Variants in MAD1L1 observed in about 807,000 individuals in gnomAD.
MAD1L1 encodes mitotic spindle assembly checkpoint protein MAD1.
MAD1L1 carries 95 observed loss-of-function variants against 96.9 expected under a neutral mutation model. That is an observed-to-expected ratio of 0.98 (90% CI 0.83 to 1.16). The LOEUF is 1.16. Ranked by LOEUF, MAD1L1 falls within the 50% of genes most tolerant of loss-of-function variation. The pLI is 0.00. For synonymous variants in MAD1L1, 473 were observed against 396.6 expected, an observed-to-expected ratio of 1.19 and a Z score of -2.29; for missense variants, 1,007 against 954.4, an observed-to-expected ratio of 1.06 and a Z score of -0.73.
intron 11 of MAD1L1, among the ~76,000 whole-genome samples, chr7:2,139,576 C>T (rs1322247242): frequency 6.6e-6 from 1 of 152,186 alleles, no homozygotes; most frequent in African/African-American, 2.4e-5. Context: ...GGGGCTGGGG[C>T]CAAAGGCAGA....
At position 1,870,382 on chromosome 7, in the gene MAD1L1, G is replaced by A. The variant is rs1457731844; in HGVS notation, c.1998+27818C>T. Among the ~76,000 whole-genome samples the A allele has an allele frequency of 2.3e-3, 322 of 140,784 alleles. 25 individuals are homozygous for A. Among genetic ancestry groups the A allele is most frequent in the Middle Eastern group, 0.019 (5 of 262 alleles). 92.4% of individuals were successfully genotyped at this position (140,784 alleles called of 152,430 possible). On this transcript the variant is annotated intron_variant, in intron 18 of 18. Coordinates refer to ENST00000265854, the MANE Select transcript of MAD1L1 (RefSeq NM_001013836.2). ...GCTGAACCCAACATACGCTTGCCAT[G>A]CTGAACCCACCATAACACCTGCCAC...
intron 11 of MAD1L1, among the ~76,000 whole-genome samples, chr7:2,129,197 GC>G (rs1450509461): frequency 1.6e-4 from 25 of 152,342 alleles, no homozygotes; most frequent in Non-Finnish European, 2.6e-4. Flanking sequence ...GGCCACCAGG[GC>G]TAACCCACCG....
rs1177487386 is a variant in MAD1L1, at chr7:2,225,563, C to T, written c.151-13G>A. ...CTCTTTCCTCCAGCTGAGCAGGTCG[C>T]ACCCAAAGAAAAACAGAATCCTCAG... is the stretch of plus-strand genomic sequence containing the variant. On this transcript the variant is annotated splice_polypyrimidine_tract_variant and intron_variant, in intron 3 of 18. Transcript: ENST00000265854. 1.2e-6 allele frequency: 2 copies of T among 1,612,108 alleles called. No individual in the cohort carries two copies. Among genetic ancestry groups the T allele is most frequent in the Non-Finnish European group, 1.7e-6 (2 of 1,179,856 alleles).
intron 12 of MAD1L1, among the ~76,000 whole-genome samples, chr7:2,036,536 G>A (rs896803876): frequency 3.3e-5 from 5 of 152,184 alleles, no homozygotes; most frequent in African/African-American, 9.7e-5. Flanking sequence ...TACACACAAA[G>A]GCCAATATAT....
intron 10 of MAD1L1, among the ~76,000 whole-genome samples, chr7:2,154,565 A>G (rs994261359): frequency 6.6e-6 from 1 of 152,232 alleles, no homozygotes; most frequent in African/African-American, 2.4e-5. Flanking sequence ...CCCATTCCAC[A>G]TTCTGTGCAC....
intron 18 of MAD1L1, among the ~76,000 whole-genome samples, chr7:1,843,066 G>A (rs1050733590): frequency 1.3e-5 from 2 of 152,226 alleles, no homozygotes; most frequent in Non-Finnish European, 2.9e-5. Flanking sequence ...GGGACCATCT[G>A]GAGGACGGGG....
At chr7:2,232,054 GGTCT>G (rs908265115) in intron 1 of MAD1L1, among the ~76,000 whole-genome samples, 5 of 152,134 alleles carry the variant, frequency 3.3e-5, no homozygotes, top group African/African-American at 9.7e-5. Flanking sequence ...TTGGAACTTG[GGTCT>G]GTCTGGCTTT....
chr7:2,014,471 C>T (rs377574670), intron 13 of MAD1L1, 31 bp downstream of exon 13: 219 of 1,528,922 alleles, frequency 1.4e-4, no homozygotes, highest in Non-Finnish European at 9.3e-5. Flanking sequence ...CCCCACCTGG[C>T]GACGTGAGCC....
chr7:1,929,438 G>A (rs1428078510), intron 17 of MAD1L1, among the ~76,000 whole-genome samples: 5 of 152,164 alleles, frequency 3.3e-5, no homozygotes, highest in South Asian at 2.1e-4. Context: ...GAGCCAGCAC[G>A]GGAGGCCGGG....
intron 15 of MAD1L1, among the ~76,000 whole-genome samples, chr7:1,972,965 GTTC>G (rs955180662): frequency 2.0e-5 from 3 of 152,152 alleles, no homozygotes; most frequent in African/African-American, 4.8e-5. Context: ...CTTCCCTGTT[GTTC>G]TTCTGTTACT....
chr7:1,849,525 C>T (rs560842988), intron 18 of MAD1L1: 10 of 152,368 alleles, frequency 6.6e-5, no homozygotes, highest in African/African-American at 1.9e-4. Flanking sequence ...AGGGGGCAGC[C>T]AGGACCTCAC....
intron 16 of MAD1L1, among the ~76,000 whole-genome samples, chr7:1,941,564 G>A (rs769373120): frequency 1.2e-4 from 19 of 152,192 alleles, no homozygotes; most frequent in Non-Finnish European, 2.2e-4. Flanking sequence ...GGCTTGGTGT[G>A]TGCAAAGCCA....
chr7:1,955,719 T>C (rs1223361498), intron 16 of MAD1L1, among the ~76,000 whole-genome samples: 1 of 152,144 alleles, frequency 6.6e-6, no homozygotes, highest in African/African-American at 2.4e-5. Flanking sequence ...GGCTGAGTAC[T>C]CTGGGGTCAC....
intron 12 of MAD1L1, among the ~76,000 whole-genome samples, chr7:2,040,397 C>T (rs901982570): frequency 1.3e-5 from 2 of 152,170 alleles, no homozygotes; most frequent in Non-Finnish European, 2.9e-5. Flanking sequence ...TTTATTCCAT[C>T]GTATTCCCAG....
At chr7:2,150,309 C>A (rs1032126430) in intron 10 of MAD1L1, among the ~76,000 whole-genome samples, 13 of 152,174 alleles carry the variant, frequency 8.5e-5, no homozygotes, top group African/African-American at 2.9e-4. Flanking sequence ...GAGAGGCACA[C>A]TGCAACCACG....
chr7:2,222,720 C>CGCGT lies in MAD1L1; in HGVS notation c.322_325dup (p.Arg109HisfsTer40). The CGCGT allele has an allele frequency of 6.2e-7, 1 of 1,607,542 alleles. No individual in the cohort carries two copies. Among genetic ancestry groups the CGCGT allele is most frequent in the Non-Finnish European group, 8.5e-7 (1 of 1,179,226 alleles). On this transcript the variant is annotated frameshift_variant, in exon 5 of 19. Transcript: ENST00000265854. LOFTEE classifies it high-confidence loss of function. ...CTCCCGCTCCTGAAGCTGCCGGATG[C>CGCGT]GCGTCAGGAGCTCCTGGTTGCGGTC...
At chr7:2,122,918 G>A (rs73285786) in intron 11 of MAD1L1, among the ~76,000 whole-genome samples, 17,022 of 152,216 alleles carry the variant, frequency 0.11, 2,198 homozygotes, top group African/African-American at 0.32. Context: ...GAGCTTCCCC[G>A]TCACCGTCTG....
In MAD1L1 at chr7:2,183,465, C is replaced by T. The variant is rs573871928; in HGVS notation, c.986+29747G>A. ...AACAGATACAAAGCTATGTTTATTGCGGCACTATTCACAATAGCAAAGACT... is the reference window on the plus strand; with the variant it reads ...AACAGATACAAAGCTATGTTTATTGTGGCACTATTCACAATAGCAAAGACT... On this transcript the variant is annotated intron_variant, in intron 10 of 18. Transcript: ENST00000265854. Among the ~76,000 whole-genome samples, 86 of 152,180 alleles carry T rather than the reference C, an allele frequency of 5.7e-4. 1 individual carries two copies. The highest frequency in any genetic ancestry group is 1.9e-3 in the African/African-American group (80 of 41,504).
chr7:1,875,989 C>T (rs1386426174), intron 18 of MAD1L1, among the ~76,000 whole-genome samples: 1 of 152,216 alleles, frequency 6.6e-6, no homozygotes, highest in African/African-American at 2.4e-5. Context: ...AGAGTCCTCC[C>T]CAGGGGCCAA....
Sources: gnomAD v4.1 joint callset for allele counts (sites outside exome capture counted in the v4.1 genomes callset) on GRCh38, gnomAD v4.1.1 for gene constraint, MANE v1.5 for transcripts, NCBI Gene and HGNC (gene_info 2026-07-23, HGNC 2026-07-21) for gene names.